Variants in CTNNA3 observed in about 807,000 individuals in gnomAD.
CTNNA3 encodes the protein catenin alpha 3.
A neutral mutation model predicts 95.7 loss-of-function variants in CTNNA3; 76 were observed. That is an observed-to-expected ratio of 0.79 (90% confidence interval 0.66 to 0.96). The LOEUF is 0.96. Ranked by LOEUF, CTNNA3 falls within the 40% of genes least tolerant of loss-of-function variation. The pLI is 0.00. For synonymous variants in CTNNA3, 431 were observed against 374.4 expected (o/e 1.15, Z -1.74); for missense variants, 1,191 against 1,089.8 (o/e 1.09, Z -1.31).
intron 13 of CTNNA3, among the ~76,000 whole-genome samples, chr10:66,245,414 G>A (rs984218529): frequency 6.6e-6 from 1 of 152,206 alleles, no homozygotes; most frequent in South Asian, 2.1e-4. Flanking sequence ...TGGCAAACAA[G>A]GGACATGTTT....
chr10:67,737,950 C>T (rs1841311989), intron 1 of CTNNA3, among the ~76,000 whole-genome samples: 1 of 152,164 alleles, frequency 6.6e-6, no homozygotes, highest in Non-Finnish European at 1.5e-5. Context: ...AAAGACACCT[C>T]CTACAGGCAC....
At chr10:67,487,341 T>C (rs541277439) in intron 5 of CTNNA3, among the ~76,000 whole-genome samples, 272 of 152,256 alleles carry the variant, frequency 1.8e-3, no homozygotes, top group Non-Finnish European at 2.9e-3. Context: ...TAGGATCACC[T>C]CCTGTGTGTT....
intron 5 of CTNNA3, among the ~76,000 whole-genome samples, chr10:67,445,211 C>A (rs1846696561): frequency 6.6e-6 from 1 of 150,906 alleles, no homozygotes; most frequent in African/African-American, 2.4e-5. Flanking sequence ...AATACACACA[C>A]AAAAAAAGCA....
intron 15 of CTNNA3, among the ~76,000 whole-genome samples, chr10:65,993,177 A>G (rs1367418450): frequency 6.6e-6 from 1 of 152,230 alleles, no homozygotes; most frequent in Non-Finnish European, 1.5e-5. Context: ...TCAATCCTAC[A>G]GGATGTCTAT....
chr10:66,433,746 G>A (rs1172179822), intron 11 of CTNNA3, among the ~76,000 whole-genome samples: 1 of 152,054 alleles, frequency 6.6e-6, no homozygotes, highest in African/African-American at 2.4e-5. Flanking sequence ...GTACTGCCTA[G>A]GTTTTCTTCT....
At chr10:67,732,464 T>G (rs1841281168) in intron 1 of CTNNA3, among the ~76,000 whole-genome samples, 1 of 152,226 alleles carries the variant, frequency 6.6e-6, no homozygotes, top group African/African-American at 2.4e-5. Context: ...AACCTGTTAC[T>G]AATTTCACCC....
rs143825722 is a variant in CTNNA3, at chr10:67,490,674, T to C, written c.579+31168A>G. 5.8e-4 allele frequency among the ~76,000 whole-genome samples: 88 copies of C among 152,192 alleles called. 1 individual carries two copies. The East Asian group carries it at 0.017, about 29-fold the overall frequency. ...TAAAATTGATCTAAAATCACAGCTA[T>C]AAAGAGAAATTCTACTCTCATTGCA... On this transcript the variant is annotated intron_variant, in intron 5 of 17. Coordinates refer to ENST00000433211, the MANE Select transcript of CTNNA3 (RefSeq NM_013266.4).
intron 13 of CTNNA3, among the ~76,000 whole-genome samples, chr10:66,106,611 G>T (rs2081923402): frequency 1.3e-5 from 2 of 152,030 alleles, no homozygotes; most frequent in Non-Finnish European, 2.9e-5. Context: ...AAGATGCTTT[G>T]GGTAAGAGCT....
chr10:67,215,715 A>G (rs1864327061), intron 6 of CTNNA3, among the ~76,000 whole-genome samples: 1 of 152,146 alleles, frequency 6.6e-6, no homozygotes, highest in African/African-American at 2.4e-5. Context: ...TATTCGGGTT[A>G]GTGTTATTTT....
chr10:66,598,006 T>C (rs1046530555), intron 10 of CTNNA3, among the ~76,000 whole-genome samples: 1 of 152,046 alleles, frequency 6.6e-6, no homozygotes, highest in African/African-American at 2.4e-5. Context: ...CTGATAAATG[T>C]AGATGCAAAA....
At chr10:66,744,480 G>A (rs1365679078) in intron 9 of CTNNA3, among the ~76,000 whole-genome samples, 1 of 152,062 alleles carries the variant, frequency 6.6e-6, no homozygotes, top group Non-Finnish European at 1.5e-5. Flanking sequence ...GAGAGCATTG[G>A]GGTTAGGACA....
chr10:67,409,348 A>G (rs1845278227), intron 5 of CTNNA3, among the ~76,000 whole-genome samples: 1 of 152,246 alleles, frequency 6.6e-6, no homozygotes, highest in African/African-American at 2.4e-5. Context: ...ATGCCCATCA[A>G]TGATAGACTG....
intron 11 of CTNNA3, among the ~76,000 whole-genome samples, chr10:66,504,215 T>A (rs756042333): frequency 6.6e-6 from 1 of 152,128 alleles, no homozygotes; most frequent in African/African-American, 2.4e-5. Flanking sequence ...CCTCTCCCTT[T>A]ACCAGCAGTC....
intron 15 of CTNNA3, among the ~76,000 whole-genome samples, chr10:66,053,989 C>T (rs2080018000): frequency 6.6e-6 from 1 of 152,104 alleles, no homozygotes; most frequent in South Asian, 2.1e-4. Flanking sequence ...ATTTGTCTTT[C>T]TGTGCCTGGC....
chr10:67,678,523 C>T (rs1341470683), intron 1 of CTNNA3, among the ~76,000 whole-genome samples: 3 of 152,044 alleles, frequency 2.0e-5, no homozygotes, highest in East Asian at 3.9e-4. Flanking sequence ...AAGAATGATA[C>T]GTTAGGGAAG....
At chr10:66,954,023 G>A (rs1051002624) in intron 7 of CTNNA3, among the ~76,000 whole-genome samples, 3 of 152,100 alleles carry the variant, frequency 2.0e-5, no homozygotes, top group South Asian at 2.1e-4. Flanking sequence ...GTAAGTGCTC[G>A]CAAATACTAG....
intron 16 of CTNNA3, among the ~76,000 whole-genome samples, chr10:65,987,163 G>A (rs1040729705): frequency 2.0e-5 from 3 of 151,910 alleles, no homozygotes; most frequent in African/African-American, 7.2e-5. Flanking sequence ...CACCTCAAAA[G>A]CACAGGCAAC....
intron 9 of CTNNA3, among the ~76,000 whole-genome samples, chr10:66,644,100 A>C (rs1262624164): frequency 6.6e-6 from 1 of 151,938 alleles, no homozygotes; most frequent in Non-Finnish European, 1.5e-5. Flanking sequence ...TCTGCAAAAA[A>C]TACAAAAATT....
chr10:67,231,094 G>C (rs1010191266), intron 5 of CTNNA3, among the ~76,000 whole-genome samples: 4 of 152,164 alleles, frequency 2.6e-5, no homozygotes, highest in Non-Finnish European at 5.9e-5. Flanking sequence ...AGCGAGGCTG[G>C]GGGAGGGGCG....
Sources: gnomAD v4.1 joint callset for allele counts (sites outside exome capture counted in the v4.1 genomes callset) on GRCh38, gnomAD v4.1.1 for gene constraint, MANE v1.5 for transcripts, NCBI Gene and HGNC (gene_info 2026-07-23, HGNC 2026-07-21) for gene names.